The following GOSR1 variants were observed in gnomAD, a reference collection of about 807,000 sequenced individuals.
GOSR1 encodes the protein 28 kDa Golgi SNARE protein.
GOSR1 carries 21 observed loss-of-function variants against 35.5 expected under a neutral mutation model. The observed-to-expected ratio is 0.59, with a 90% CI of 0.42 to 0.85. GOSR1 has a LOEUF of 0.85. Ranked by LOEUF, GOSR1 falls within the 40% of genes least tolerant of loss-of-function variation. The probability of loss-of-function intolerance (pLI) is 0.00; values close to 1 mark genes in which losing one functional copy is unlikely to be tolerated. For missense variants in GOSR1, 285 were observed against 309.6 expected (o/e 0.92, Z 0.60); for synonymous variants, 94 against 106.6 (o/e 0.88, Z 0.73).
chr17:30,519,880 G>C, intron 7 of GOSR1, 59 bp from the exon 8 acceptor site: 5 of 1,015,252 alleles, frequency 4.9e-6, no homozygotes, highest in Non-Finnish European at 7.7e-6. Flanking sequence ...TTAAAGGCAT[G>C]ATGGTTCCAG....
intron 7 of GOSR1, among the ~76,000 whole-genome samples, chr17:30,513,920 T>TGGCA (rs1488909570): frequency 7.2e-5 from 11 of 152,230 alleles, no homozygotes; most frequent in African/African-American, 2.4e-4. Context: ...CGTGCCTGCA[T>TGGCA]GGCACAGTGA....
chr17:30,511,356 T>C (rs1295955520), intron 7 of GOSR1, among the ~76,000 whole-genome samples: 2 of 152,216 alleles, frequency 1.3e-5, no homozygotes, highest in Non-Finnish European at 2.9e-5. Flanking sequence ...TTAAGGGACA[T>C]TTATTTCTTG....
intron 2 of GOSR1, 31 bp from the exon 3 acceptor site, chr17:30,484,183 A>G (rs1424504577): frequency 9.1e-7 from 1 of 1,104,050 alleles, no homozygotes; most frequent in South Asian, 1.2e-5. Flanking sequence ...GATTTGAGTA[A>G]TGGATCCTCT....
At chr17:30,498,938 T>C (rs1199393236) in intron 6 of GOSR1, among the ~76,000 whole-genome samples, 5 of 152,198 alleles carry the variant, frequency 3.3e-5, no homozygotes, top group Admixed American at 3.3e-4. Flanking sequence ...ATAGACTCTT[T>C]TAACCGCCAC....
Position 30,492,702 on chromosome 17 carries a change from TAAA to T in GOSR1, c.459_461del (p.Asn155del). On this transcript the variant is annotated inframe_deletion, in exon 6 of 9. Coordinates refer to ENST00000451249, the MANE Select transcript of GOSR1 (RefSeq NM_001007025.2). ...AGGTCATATAAAAGTGGGTCTGGAGTAAACAACAGAAGAACTGAGCTATTTTTG... is the reference window on the plus strand; with the variant it reads ...AGGTCATATAAAAGTGGGTCTGGAGTCAACAGAAGAACTGAGCTATTTTTG... The T allele has an allele frequency of 6.2e-7, 1 of 1,602,104 alleles. No homozygotes were observed. The highest frequency in any genetic ancestry group is 8.5e-7 in the Non-Finnish European group (1 of 1,169,826).
intron 4 of GOSR1, among the ~76,000 whole-genome samples, chr17:30,486,384 G>T (rs1914685931): frequency 6.6e-6 from 1 of 152,184 alleles, no homozygotes; most frequent in South Asian, 2.1e-4. Context: ...GGGCGTGGTG[G>T]TGGGTGCCTG....
intron 6 of GOSR1, among the ~76,000 whole-genome samples, chr17:30,502,458 T>C (rs1967245390): frequency 6.6e-6 from 1 of 152,244 alleles, no homozygotes; most frequent in East Asian, 1.9e-4. Flanking sequence ...TGAATATTTC[T>C]ATATGTCTAA....
chr17:30,495,717 T>A (rs920822677), intron 6 of GOSR1: 1 of 243,676 alleles, frequency 4.1e-6, no homozygotes, highest in African/African-American at 2.2e-5. Flanking sequence ...AGCCTGGATC[T>A]CATAGGAGAT....
intron 6 of GOSR1, among the ~76,000 whole-genome samples, chr17:30,508,223 T>C (rs1174149269): frequency 6.7e-6 from 1 of 148,270 alleles, no homozygotes; most frequent in East Asian, 2.0e-4. Context: ...AATTAATAGA[T>C]TGTTTGCTCT....
intron 4 of GOSR1, among the ~76,000 whole-genome samples, chr17:30,485,457 C>G (rs920657031): frequency 5.9e-5 from 9 of 152,082 alleles, no homozygotes; most frequent in Admixed American, 5.9e-4. Context: ...TTTGCAGAGA[C>G]AGGTCCTTGC....
In GOSR1 at chr17:30,492,769, A is replaced by T. The variant is rs776755096; in HGVS notation, c.509+16A>T. On this transcript the variant is annotated intron_variant, in intron 6 of 8. Transcript: ENST00000451249. ...ACCTTCGAAAGTAGGTATTGAATGT[A>T]TGTGCATTATGTGGTTTTCCACGTT... The T allele has an allele frequency of 7.1e-7, 1 of 1,402,108 alleles. No individual in the cohort carries two copies. The highest frequency in any genetic ancestry group is 1.7e-5 in the Admixed American group (1 of 58,980). The allele number at this position is 1,402,108 out of a possible 1,614,324, so 86.9% of individuals were successfully genotyped here. A position where few individuals can be genotyped will look rare whatever the true frequency, so the allele number is the denominator to read the frequency against.
At chr17:30,521,167 CTTTTTTTTTTTTT>C (rs71360748) in intron 8 of GOSR1, among the ~76,000 whole-genome samples, 1 of 64,224 alleles carries the variant, frequency 1.6e-5, no homozygotes, top group Non-Finnish European at 2.6e-5. Context: ...TTCTCTCTCT[CTTTTTTTTTTTTT>C]TTTTTTTTTT....
intron 6 of GOSR1, among the ~76,000 whole-genome samples, chr17:30,506,073 C>T (rs1184240896): frequency 6.6e-6 from 1 of 152,180 alleles, no homozygotes; most frequent in Non-Finnish European, 1.5e-5. Flanking sequence ...CCATTCCCAA[C>T]TCACTCCTCC....
chr17:30,481,217 A>C lies in GOSR1; in HGVS notation c.106A>C (p.Ser36Arg). 1 of 1,605,708 alleles carries C rather than the reference A, an allele frequency of 6.2e-7. No individual in the cohort carries two copies. The highest frequency in any genetic ancestry group is 1.3e-5 in the African/African-American group (1 of 74,902). ...AGTTTCCTTCAGCAAACTATGTACA[A>C]GTTACAGTCATAGCAGTACCCGAGA... The part of the protein sequence containing the change: ...KLVSFSKLCT[S>R]YSHSSTRDGR... Residue 36 changes from serine to arginine, a missense_variant, in exon 2 of 9, where the codon AGT (serine) becomes CGT (arginine). Around this residue, in one of 3 missense-constraint regions of GOSR1, gnomAD observed 108 missense variants for 98.9 expected, o/e 1.09. Coordinates refer to ENST00000451249, the MANE Select transcript of GOSR1 (RefSeq NM_001007025.2).
chr17:30,513,928 T>C (rs928196602), intron 7 of GOSR1, among the ~76,000 whole-genome samples: 2 of 152,228 alleles, frequency 1.3e-5, no homozygotes, highest in African/African-American at 4.8e-5. Flanking sequence ...CATGGCACAG[T>C]GAGGCCGTGT....
At chr17:30,495,054 G>C (rs1376594097) in intron 6 of GOSR1, among the ~76,000 whole-genome samples, 6 of 151,766 alleles carry the variant, frequency 4.0e-5, no homozygotes, top group African/African-American at 1.5e-4. Flanking sequence ...CGGGTATGGT[G>C]GTGGGCACCT....
chr17:30,497,796 C>T (rs1040700509), intron 6 of GOSR1, among the ~76,000 whole-genome samples: 10 of 152,338 alleles, frequency 6.6e-5, no homozygotes, highest in Non-Finnish European at 8.8e-5. Flanking sequence ...CAGTGGCTCA[C>T]GCCTGTAATT....
intron 4 of GOSR1, among the ~76,000 whole-genome samples, chr17:30,486,889 A>C (rs1224168930): frequency 6.6e-6 from 1 of 152,232 alleles, no homozygotes; most frequent in Non-Finnish European, 1.5e-5. Context: ...TCTAAATTGC[A>C]TGACATCCCA....
chr17:30,501,553 G>A (rs1967206805), intron 6 of GOSR1, among the ~76,000 whole-genome samples: 1 of 151,714 alleles, frequency 6.6e-6, no homozygotes, highest in Non-Finnish European at 1.5e-5. Flanking sequence ...CTGGAGTGCA[G>A]TGGCGCGATC....
Sources: allele counts gnomAD v4.1 joint callset (sites outside exome capture counted in the v4.1 genomes callset), GRCh38; gene constraint gnomAD v4.1.1; regional missense constraint gnomAD v4.1.1; transcripts MANE v1.5; gene names NCBI Gene and HGNC (gene_info 2026-07-23, HGNC 2026-07-21).